CCNJL: variants seen among roughly 807,000 people sequenced by gnomAD.
CCNJL encodes the protein cyclin-J-like protein.
A neutral mutation model predicts 33.4 loss-of-function variants in CCNJL; 33 were observed. The ratio of observed to expected loss-of-function variants is 0.99; its 90% CI spans 0.75 to 1.32. CCNJL has a LOEUF of 1.32. Ranked by LOEUF, CCNJL falls within the 40% of genes most tolerant of loss-of-function variation. The probability of loss-of-function intolerance (pLI) is 0.00; values close to 1 mark genes in which losing one functional copy is unlikely to be tolerated. For synonymous variants in CCNJL, 227 were observed against 220.9 expected, an observed-to-expected ratio of 1.03 and a Z score of -0.24; for missense variants, 512 against 499.7, an observed-to-expected ratio of 1.02 and a Z score of -0.23.
rs528447507 is a variant in CCNJL, at chr5:160,268,148, G to A, written c.281-8377C>T. Among the ~76,000 whole-genome samples, 13 of 152,302 alleles carry A rather than the reference G, an allele frequency of 8.5e-5. No individual in the cohort carries two copies. In the South Asian group the frequency reaches 2.1e-3, roughly 24 times the overall value. ...TGGCAAAAAAAGGCACTGCTCATAC[G>A]CCCAGCAGACAAGCGTCTTTCTGAG... On this transcript the variant is annotated intron_variant, in intron 3 of 5. Transcript: ENST00000257536.
chr5:160,270,678 A>C (rs546157614), intron 3 of CCNJL, among the ~76,000 whole-genome samples: 1 of 152,214 alleles, frequency 6.6e-6, no homozygotes, highest in African/African-American at 2.4e-5. Context: ...GATTATAGAA[A>C]AGAGAAATGT....
intron 4 of CCNJL, chr5:160,258,177 T>A: frequency 4.3e-6 from 2 of 468,198 alleles, no homozygotes; most frequent in Non-Finnish European, 7.8e-6. Flanking sequence ...ATGCCCATTT[T>A]AGTTTGTGGT....
intron 1 of CCNJL, chr5:160,326,592 T>A: frequency 2.2e-6 from 1 of 462,430 alleles, no homozygotes; most frequent in Non-Finnish European, 4.2e-6. Flanking sequence ...AATGATCAAC[T>A]CTAATCATAG....
chr5:160,298,553 A>G (rs1425773867), intron 2 of CCNJL, among the ~76,000 whole-genome samples: 1 of 152,196 alleles, frequency 6.6e-6, no homozygotes, highest in Non-Finnish European at 1.5e-5. Context: ...GGAGGGAGCT[A>G]GCTCTACAAC....
chr5:160,266,507 G>A (rs1483882186), intron 3 of CCNJL, among the ~76,000 whole-genome samples: 1 of 152,164 alleles, frequency 6.6e-6, no homozygotes. Context: ...CCTGGAGCAG[G>A]GGCAGGGCAG....
chr5:160,259,348 G>A, intron 4 of CCNJL, 121 bp downstream of exon 4: 1 of 797,554 alleles, frequency 1.3e-6, no homozygotes. Context: ...AGTGATCTGG[G>A]TGCACAGGCC....
chr5:160,316,055 A>G (rs1561811259), upstream of CCNJL, among the ~76,000 whole-genome samples: 1 of 152,286 alleles, frequency 6.6e-6, no homozygotes, highest in East Asian at 1.9e-4. Flanking sequence ...TACTCATTCC[A>G]CACCCCTTTG....
chr5:160,306,190 G>C (rs1763090456), intron 2 of CCNJL, among the ~76,000 whole-genome samples: 1 of 144,350 alleles, frequency 6.9e-6, no homozygotes, highest in South Asian at 2.2e-4. Flanking sequence ...GGAATCACTT[G>C]AACCCAGGAG....
intron 4 of CCNJL, chr5:160,258,444 G>C: frequency 9.7e-7 from 1 of 1,032,074 alleles, no homozygotes; most frequent in Non-Finnish European, 1.5e-6. Context: ...TTCACATGAA[G>C]AGGGCACTGG....
At chr5:160,300,323 T>C (rs770849165) in intron 2 of CCNJL, among the ~76,000 whole-genome samples, 11 of 152,092 alleles carry the variant, frequency 7.2e-5, no homozygotes, top group Non-Finnish European at 1.6e-4. Flanking sequence ...ACAGCCCTCA[T>C]CCAGCCCTTG....
chr5:160,314,325 A>G (rs1763352447), upstream of CCNJL, among the ~76,000 whole-genome samples: 1 of 152,252 alleles, frequency 6.6e-6, no homozygotes, highest in South Asian at 2.1e-4. Context: ...AATTTAATAT[A>G]TTTAAAAATT....
chr5:160,280,415 A>T, intron 3 of CCNJL, 110 bp downstream of exon 3: 1 of 863,600 alleles, frequency 1.2e-6, no homozygotes. Flanking sequence ...AAGGATGAAC[A>T]TATAAGACGT....
chr5:160,285,748 G>T (rs73308678), intron 2 of CCNJL, among the ~76,000 whole-genome samples: 3,116 of 152,318 alleles, frequency 0.02, 92 homozygotes, highest in African/African-American at 0.069. Context: ...GTGGGCAGGG[G>T]CCCAGCTTGC....
chr5:160,296,768 A>G (rs529794182), intron 2 of CCNJL, among the ~76,000 whole-genome samples: 144 of 152,290 alleles, frequency 9.5e-4, no homozygotes, highest in Admixed American at 1.8e-3. Flanking sequence ...CCCTGCAGAG[A>G]GATGAACTTC....
chr5:160,320,776 TTTTC>T (rs1301970725), intron 1 of CCNJL, among the ~76,000 whole-genome samples: 6 of 145,736 alleles, frequency 4.1e-5, no homozygotes, highest in Admixed American at 2.0e-4. Flanking sequence ...TCTTTCTTTC[TTTTC>T]TTTCTTTCCT....
intron 2 of CCNJL, among the ~76,000 whole-genome samples, chr5:160,297,084 A>C (rs1393079263): frequency 6.6e-6 from 1 of 152,228 alleles, no homozygotes; most frequent in Non-Finnish European, 1.5e-5. Context: ...GCACCCATTA[A>C]AAGTGGACTA....
At chr5:160,319,310 C>T (rs1343312472) in intron 1 of CCNJL, among the ~76,000 whole-genome samples, 1 of 152,168 alleles carries the variant, frequency 6.6e-6, no homozygotes, top group Non-Finnish European at 1.5e-5. Context: ...AGTCACCCAT[C>T]TCCTTTGTGA....
At position 160,301,950 on chromosome 5, in the gene CCNJL, G is replaced by A. The variant is rs1455002901; in HGVS notation, c.66+9908C>T. On this transcript the variant is annotated intron_variant, in intron 2 of 5. Coordinates refer to ENST00000257536, the MANE Select transcript of CCNJL (RefSeq NM_001308173.3). ...TCACCATGTTGGCCAGGCAGGTCTC[G>A]AACTCCTGGCCTCATGTGATCCACC... is the stretch of plus-strand genomic sequence containing the variant. 4.0e-5 allele frequency among the ~76,000 whole-genome samples: 6 copies of A among 150,604 alleles called. No homozygotes were observed. In the South Asian group the frequency reaches 6.3e-4, roughly 16 times the overall value.
chr5:160,317,488 A>C (rs1220463590), upstream of CCNJL, among the ~76,000 whole-genome samples: 1 of 152,226 alleles, frequency 6.6e-6, no homozygotes, highest in Non-Finnish European at 1.5e-5. Context: ...GAGGAGACAC[A>C]TGATAAGTGT....
Sources: gnomAD v4.1 joint callset for allele counts (sites outside exome capture counted in the v4.1 genomes callset) on GRCh38, gnomAD v4.1.1 for gene constraint, MANE v1.5 for transcripts, NCBI Gene and HGNC (gene_info 2026-07-23, HGNC 2026-07-21) for gene names.